Variants in RAB3IP observed in about 807,000 individuals in gnomAD.
RAB3IP encodes the protein rab-3A-interacting protein.
In RAB3IP, 36 loss-of-function variants were observed where a neutral mutation model predicts 59.1. The ratio of observed to expected loss-of-function variants is 0.61; its 90% CI spans 0.47 to 0.80. RAB3IP has a LOEUF of 0.80. Among genes scored for constraint, RAB3IP ranks in the 30% least tolerant of loss-of-function variants. The pLI, the probability that RAB3IP is intolerant of heterozygous loss-of-function variation, is 0.00. For missense variants in RAB3IP, 511 were observed against 536.0 expected, an observed-to-expected ratio of 0.95 and a Z score of 0.46; for synonymous variants, 207 against 191.2, an observed-to-expected ratio of 1.08 and a Z score of -0.68.
intron 7 of RAB3IP, among the ~76,000 whole-genome samples, chr12:69,800,886 TC>T (rs1264191935): frequency 6.6e-6 from 1 of 152,206 alleles, no homozygotes; most frequent in African/African-American, 2.4e-5. Context: ...TCTACAAATA[TC>T]CGGTCAATTA....
intron 1 of RAB3IP, among the ~76,000 whole-genome samples, chr12:69,750,726 CTT>C (rs113789962): frequency 7.1e-5 from 10 of 140,842 alleles, no homozygotes; most frequent in Non-Finnish European, 4.7e-5. Context: ...TGGGGTCTTT[CTT>C]TTTTTTTTTT....
chr12:69,770,445 G>A (rs983054263), intron 3 of RAB3IP, among the ~76,000 whole-genome samples: 1 of 152,068 alleles, frequency 6.6e-6, no homozygotes, highest in African/African-American at 2.4e-5. Context: ...TTGTTATACT[G>A]TATTGTCTTA....
chr12:69,804,811 T>C (rs1234278932), intron 8 of RAB3IP, among the ~76,000 whole-genome samples: 2 of 152,124 alleles, frequency 1.3e-5, no homozygotes, highest in African/African-American at 4.8e-5. Flanking sequence ...GTTGTAGATA[T>C]GCGGCATTAT....
intron 8 of RAB3IP, among the ~76,000 whole-genome samples, chr12:69,809,546 G>A (rs1400626433): frequency 2.6e-5 from 4 of 152,160 alleles, no homozygotes; most frequent in South Asian, 2.1e-4. Context: ...CCAATCAGAC[G>A]TAAATTTGGT....
chr12:69,794,453 T>A lies in RAB3IP; in HGVS notation c.623T>A (p.Val208Glu). The change falls in exon 5 of 11, where the codon GTG (valine) becomes GAG (glutamate). Residue 208 changes from valine to glutamate, a missense_variant. Transcript: ENST00000247833. ...ASLFEEAHKM[V>E]REANIKQATA... ...CTTTTTCAGGAAGCTCATAAAATGG[T>A]GAGAGAAGCAAATATCAAGCAGGCA... is the stretch of plus-strand genomic sequence containing the variant. 1 of 1,612,222 alleles carries A rather than the reference T, an allele frequency of 6.2e-7. No individual in the cohort carries two copies. Among genetic ancestry groups the A allele is most frequent in the Non-Finnish European group, 8.5e-7 (1 of 1,179,162 alleles).
At chr12:69,804,722 A>G (rs1592605978) in intron 8 of RAB3IP, among the ~76,000 whole-genome samples, 1 of 151,794 alleles carries the variant, frequency 6.6e-6, no homozygotes. Flanking sequence ...ATGGCTAGCC[A>G]GTTTTCCCAG....
intron 1 of RAB3IP, among the ~76,000 whole-genome samples, chr12:69,753,651 T>C (rs1306660875): frequency 6.6e-6 from 1 of 152,116 alleles, no homozygotes; most frequent in Non-Finnish European, 1.5e-5. Flanking sequence ...GCCTGACCTG[T>C]TTGGCATTTT....
At chr12:69,790,130 C>CGGTG (rs2063138225) in intron 4 of RAB3IP, among the ~76,000 whole-genome samples, 1 of 152,108 alleles carries the variant, frequency 6.6e-6, no homozygotes, top group Non-Finnish European at 1.5e-5. Context: ...GAAATAATCT[C>CGGTG]TGTGTGCAGA....
chr12:69,772,686 T>G (rs1316525736), intron 3 of RAB3IP, among the ~76,000 whole-genome samples: 1 of 152,334 alleles, frequency 6.6e-6, no homozygotes, highest in Non-Finnish European at 1.5e-5. Context: ...ACACTGTAAC[T>G]CCATTCTTTT....
At chr12:69,747,900 T>G (rs1424557401) in intron 1 of RAB3IP, among the ~76,000 whole-genome samples, 1 of 152,236 alleles carries the variant, frequency 6.6e-6, no homozygotes, top group African/African-American at 2.4e-5. Flanking sequence ...AGCTTTCTTC[T>G]TCAGGTACTG....
chr12:69,814,018 A>T (rs888668907), intron 10 of RAB3IP, among the ~76,000 whole-genome samples: 14 of 152,202 alleles, frequency 9.2e-5, no homozygotes, highest in African/African-American at 3.4e-4. Flanking sequence ...TAATAACCTG[A>T]TAACCTAATT....
chr12:69,739,555 G>C, intron 1 of RAB3IP: 1 of 496,946 alleles, frequency 2.0e-6, no homozygotes, highest in Non-Finnish European at 3.6e-6. Flanking sequence ...CCCAGTCTTA[G>C]GAAACTACGC....
chr12:69,821,438 TGTGCTCTCAGTGGA>T lies in RAB3IP; in HGVS notation c.*6000_*6013del, dbSNP rs1184380114. ...TAAATCCTATTTCCAGCAGCTGGAT[TGTGCTCTCAGTGGA>T]GTGCTCTGGATTCTGATTAATAGAG... On this transcript the variant is annotated 3_prime_UTR_variant, in exon 11 of 11. Coordinates refer to ENST00000247833, the MANE Select transcript of RAB3IP (RefSeq NM_022456.5). 6.6e-6 allele frequency: 1 copy of T among 152,230 alleles called. No homozygotes were observed. The highest frequency in any genetic ancestry group is 1.9e-4 in the East Asian group (1 of 5,194). 9.4% of individuals were successfully genotyped at this position (152,230 alleles called of 1,614,324 possible). A position where few individuals can be genotyped will look rare whatever the true frequency, so the allele number is the denominator to read the frequency against.
chr12:69,804,625 T>A (rs1878946060), intron 8 of RAB3IP, among the ~76,000 whole-genome samples: 1 of 152,248 alleles, frequency 6.6e-6, no homozygotes, highest in African/African-American at 2.4e-5. Context: ...TTTTATAGTT[T>A]TAGGTCTAAC....
In RAB3IP at chr12:69,817,684, A is replaced by G. The variant is rs1881282253; in HGVS notation, c.*2238A>G. 1 of 151,518 alleles carries G rather than the reference A, an allele frequency of 6.6e-6. No individual in the cohort carries two copies. The highest frequency in any genetic ancestry group is 1.5e-5 in the Non-Finnish European group (1 of 68,486). The allele number at this position is 151,518 out of a possible 1,614,324, so 9.4% of individuals were successfully genotyped here. ...CACACACACACACACACACACACAC[A>G]CACTGTGTCCATGAACTTGGGAGGA... On this transcript the variant is annotated 3_prime_UTR_variant, in exon 11 of 11. Coordinates refer to ENST00000247833, the MANE Select transcript of RAB3IP (RefSeq NM_022456.5).
At chr12:69,813,121 T>G (rs1880689882) in intron 10 of RAB3IP, 88 bp downstream of exon 10, 2 of 849,320 alleles carry the variant, frequency 2.4e-6, no homozygotes, top group Admixed American at 2.3e-5. Context: ...AGAATAGTAG[T>G]AATGCTCATA....
At chr12:69,793,364 A>G (rs1354993028) in intron 4 of RAB3IP, among the ~76,000 whole-genome samples, 3 of 152,236 alleles carry the variant, frequency 2.0e-5, no homozygotes, top group African/African-American at 7.2e-5. Context: ...TCAAACTCTG[A>G]TGTAAAGAAC....
chr12:69,811,225 C>T (rs1300813710), intron 8 of RAB3IP, among the ~76,000 whole-genome samples: 1 of 152,020 alleles, frequency 6.6e-6, no homozygotes, highest in Non-Finnish European at 1.5e-5. Context: ...CACACTGCCG[C>T]TTGTGGAAGG....
intron 3 of RAB3IP, among the ~76,000 whole-genome samples, chr12:69,763,692 G>T (rs1871740578): frequency 6.6e-6 from 1 of 151,982 alleles, no homozygotes; most frequent in African/African-American, 2.4e-5. Flanking sequence ...CTGTGGTTTA[G>T]GTTATGAATA....
Sources: gnomAD v4.1 joint callset for allele counts (sites outside exome capture counted in the v4.1 genomes callset) on GRCh38, gnomAD v4.1.1 for gene constraint, MANE v1.5 for transcripts, NCBI Gene and HGNC (gene_info 2026-07-23, HGNC 2026-07-21) for gene names.